TTC7B: variants seen among roughly 807,000 people sequenced by gnomAD.
The protein encoded by TTC7B is tetratricopeptide repeat protein 7B.
A neutral mutation model predicts 106.8 loss-of-function variants in TTC7B; 28 were observed. The ratio of observed to expected loss-of-function variants is 0.26; its 90% CI spans 0.19 to 0.36. The LOEUF is 0.36. Among genes scored for constraint, TTC7B ranks in the 10% least tolerant of loss-of-function variants. The pLI, the probability that TTC7B is intolerant of heterozygous loss-of-function variation, is 1.00. For synonymous variants in TTC7B, 405 were observed against 430.6 expected, an observed-to-expected ratio of 0.94 and a Z score of 0.74; for missense variants, 862 against 1,076.4, an observed-to-expected ratio of 0.80 and a Z score of 2.79.
At chr14:90,815,793 C>A (rs2031136118) in intron 1 of TTC7B, among the ~76,000 whole-genome samples, 1 of 152,132 alleles carries the variant, frequency 6.6e-6, no homozygotes, top group South Asian at 2.1e-4. Flanking sequence ...TGGACTTCAC[C>A]CATGTCCTGA....
intron 4 of TTC7B, among the ~76,000 whole-genome samples, chr14:90,737,034 A>G (rs1889561338): frequency 6.6e-6 from 1 of 152,060 alleles, no homozygotes; most frequent in Non-Finnish European, 1.5e-5. Flanking sequence ...ATATAATTAA[A>G]AAGATAATCA....
intron 19 of TTC7B, among the ~76,000 whole-genome samples, chr14:90,576,624 C>T (rs8013722): frequency 0.13 from 19,065 of 152,190 alleles, 1,365 homozygotes; most frequent in African/African-American, 0.2. Context: ...CACCTAAACA[C>T]AACAAGGTGC....
chr14:90,556,920 G>A (rs76169131), intron 19 of TTC7B, among the ~76,000 whole-genome samples: 1 of 152,348 alleles, frequency 6.6e-6, no homozygotes, highest in South Asian at 2.1e-4. Flanking sequence ...GGGAACGGGG[G>A]GGACATGGGC....
chr14:90,592,437 G>T (rs376557487), intron 18 of TTC7B, among the ~76,000 whole-genome samples: 1 of 152,322 alleles, frequency 6.6e-6, no homozygotes, highest in South Asian at 2.1e-4. Context: ...GGCCAGGCGC[G>T]GTGGCTCACG....
At chr14:90,667,352 G>A (rs769965684) in intron 9 of TTC7B, among the ~76,000 whole-genome samples, 21 of 152,312 alleles carry the variant, frequency 1.4e-4, no homozygotes, top group Admixed American at 3.9e-4. Context: ...ATAGCAGAAA[G>A]GACAGAAGCA....
In TTC7B at chr14:90,800,010, T is replaced by G. The variant is rs1014829656; in HGVS notation, c.122-13682A>C. 9.2e-5 allele frequency among the ~76,000 whole-genome samples: 14 copies of G among 152,020 alleles called. 1 individual carries two copies. Among genetic ancestry groups the G allele is most frequent in the Non-Finnish European group, 1.6e-4 (11 of 68,002 alleles). On this transcript the variant is annotated intron_variant, in intron 1 of 19. Transcript: ENST00000328459. ...ACCACGCCCAGCTAATTTTTGGTAT[T>G]TTTAGTAGAGTCAGGGTTTCACCGT...
chr14:90,722,041 G>A (rs1888916147), intron 5 of TTC7B, among the ~76,000 whole-genome samples: 1 of 152,232 alleles, frequency 6.6e-6, no homozygotes, highest in Non-Finnish European at 1.5e-5. Flanking sequence ...TCCCTTCAAA[G>A]TGAAATGACT....
intron 17 of TTC7B, among the ~76,000 whole-genome samples, chr14:90,597,304 T>C (rs867502204): frequency 3.3e-5 from 5 of 152,090 alleles, no homozygotes; most frequent in African/African-American, 1.2e-4. Context: ...TGAATTAGTA[T>C]TGGAAGGAGG....
At chr14:90,556,378 G>C (rs2139778100) in intron 19 of TTC7B, among the ~76,000 whole-genome samples, 1 of 152,266 alleles carries the variant, frequency 6.6e-6, no homozygotes, top group East Asian at 1.9e-4. Flanking sequence ...GCTGGAACGT[G>C]GCGGTAGCTG....
chr14:90,716,191 A>G (rs1888649827), intron 5 of TTC7B, among the ~76,000 whole-genome samples: 1 of 152,200 alleles, frequency 6.6e-6, no homozygotes. Context: ...AAAATCACTA[A>G]GAGGAAACAT....
At chr14:90,779,552 G>A (rs59854974) in intron 3 of TTC7B, among the ~76,000 whole-genome samples, 15,433 of 152,192 alleles carry the variant, frequency 0.1, 837 homozygotes, top group East Asian at 0.16. Flanking sequence ...TGATCTGCCC[G>A]CCTTGGCCTC....
intron 4 of TTC7B, among the ~76,000 whole-genome samples, chr14:90,744,456 C>T (rs1889883865): frequency 6.6e-6 from 1 of 151,930 alleles, no homozygotes. Context: ...TTATAGATGC[C>T]CGCCACCATG....
intron 1 of TTC7B, among the ~76,000 whole-genome samples, chr14:90,798,471 C>T (rs978641187): frequency 6.6e-6 from 1 of 152,086 alleles, no homozygotes; most frequent in African/African-American, 2.4e-5. Flanking sequence ...AGGTGGCTCA[C>T]ACCTGTAATC....
intron 9 of TTC7B, among the ~76,000 whole-genome samples, chr14:90,659,999 G>T (rs1044714178): frequency 2.0e-5 from 3 of 152,260 alleles, no homozygotes; most frequent in South Asian, 4.1e-4. Context: ...GAGAATGGCA[G>T]GTGGTGTCGG....
chr14:90,531,698 C>A lies in TTC7B; in HGVS notation c.*9670G>T, dbSNP rs191084216. 1.3e-5 allele frequency: 2 copies of A among 150,916 alleles called. No homozygotes were observed. Among genetic ancestry groups the A allele is most frequent in the African/African-American group, 4.9e-5 (2 of 40,992 alleles). The allele number at this position is 150,916 out of a possible 1,614,324, so 9.3% of individuals were successfully genotyped here. On this transcript the variant is annotated 3_prime_UTR_variant, in exon 20 of 20. Transcript: ENST00000328459. Reference sequence around the variant, plus strand: ...CAGGAGCTCTGTCCATCTGCCAGTGCAGACAGGCACAGTCCAGATCCAAAG... The same window carrying A: ...CAGGAGCTCTGTCCATCTGCCAGTGAAGACAGGCACAGTCCAGATCCAAAG...
In TTC7B at chr14:90,657,925, G is replaced by A. The variant is rs760477187; in HGVS notation, c.1236+379C>T. 15 of 214,576 alleles carry A rather than the reference G, an allele frequency of 7.0e-5. No individual in the cohort carries two copies. The highest frequency in any genetic ancestry group is 1.2e-4 in the East Asian group (1 of 8,204). 13.3% of individuals were successfully genotyped at this position (214,576 alleles called of 1,614,324 possible). On this transcript the variant is annotated intron_variant, in intron 10 of 19. Coordinates refer to ENST00000328459, the MANE Select transcript of TTC7B (RefSeq NM_001010854.2). This position sits in a 1 kb window ranked among gnomAD's most constrained non-coding sequence, Gnocchi z 4.2. ...CTCCCTCAGCCCACATTTTCATCCA[G>A]TATCATGCACTGCCTAATATAACAC...
At chr14:90,571,178 T>A (rs529044195) in intron 19 of TTC7B, among the ~76,000 whole-genome samples, 9 of 152,320 alleles carry the variant, frequency 5.9e-5, no homozygotes, top group African/African-American at 2.2e-4. Context: ...GGCTTCAAAG[T>A]TCTTTGTAGA....
intron 17 of TTC7B, among the ~76,000 whole-genome samples, chr14:90,607,670 G>A (rs868371195): frequency 3.9e-5 from 6 of 152,318 alleles, no homozygotes; most frequent in Middle Eastern, 3.4e-3. Context: ...AAATGACTGC[G>A]GTCATGCTGG....
chr14:90,608,108 G>T lies in TTC7B; in HGVS notation c.1966+2634C>A, dbSNP rs141988862. The stretch of plus-strand genomic sequence containing the variant: ...TTCGCAAGGCGGGCTCTCCACACAG[G>T]TGTGTGAATGACAGCATCTGCCCCT... On this transcript the variant is annotated intron_variant, in intron 17 of 19. Transcript: ENST00000328459. The surrounding 1 kb of genome is among the most constrained non-coding windows in gnomAD (Gnocchi z 5.1). Among the ~76,000 whole-genome samples the T allele has an allele frequency of 2.0e-5, 3 of 152,294 alleles. No individual in the cohort carries two copies. Among genetic ancestry groups the T allele is most frequent in the African/African-American group, 7.2e-5 (3 of 41,558 alleles).
Sources: gnomAD v4.1 joint callset for allele counts (sites outside exome capture counted in the v4.1 genomes callset) on GRCh38, gnomAD v4.1.1 for gene constraint, Gnocchi (gnomAD v3.1) non-coding constraint, MANE v1.5 for transcripts, NCBI Gene and HGNC (gene_info 2026-07-23, HGNC 2026-07-21) for gene names.